The following TIMP3 variants were observed in gnomAD, a reference collection of about 807,000 sequenced individuals.
The protein encoded by TIMP3 is TIMP metallopeptidase inhibitor 3.
Under a neutral mutation model 30.0 loss-of-function variants are expected in TIMP3, and 11 were observed. The ratio of observed to expected loss-of-function variants is 0.37; its 90% CI spans 0.23 to 0.61. TIMP3 has a LOEUF of 0.61. TIMP3 is among the 20% of genes least tolerant of loss of function. The pLI, the probability that TIMP3 is intolerant of heterozygous loss-of-function variation, is 0.70. For missense variants in TIMP3, 181 were observed against 276.8 expected (o/e 0.65, Z 2.45); for synonymous variants, 112 against 111.3 (o/e 1.01, Z -0.04).
chr22:32,802,341 C>A (rs1208810343), intron 1 of TIMP3, among the ~76,000 whole-genome samples: 1 of 152,060 alleles, frequency 6.6e-6, no homozygotes, highest in Non-Finnish European at 1.5e-5. Context: ...CTGAGGGAGC[C>A]CCTGGCCGCC....
At chr22:32,818,658 G>C (rs557674929) in intron 1 of TIMP3, among the ~76,000 whole-genome samples, 1 of 152,282 alleles carries the variant, frequency 6.6e-6, no homozygotes, top group Admixed American at 6.5e-5. Flanking sequence ...TCTCCCCTCC[G>C]GCGCTGGGCC....
chr22:32,818,351 T>G (rs993692464), intron 1 of TIMP3, among the ~76,000 whole-genome samples: 4 of 152,004 alleles, frequency 2.6e-5, no homozygotes, highest in Non-Finnish European at 5.9e-5. Flanking sequence ...GGGGGAGTCT[T>G]AGTTAGCCCA....
chr22:32,823,782 T>C (rs2047322784), intron 1 of TIMP3, among the ~76,000 whole-genome samples: 1 of 151,870 alleles, frequency 6.6e-6, no homozygotes, highest in South Asian at 2.1e-4. Context: ...CAGAATGAAC[T>C]CCCCAGCCAT....
intron 1 of TIMP3, among the ~76,000 whole-genome samples, chr22:32,808,420 G>T (rs1289882534): frequency 6.6e-6 from 1 of 152,182 alleles, no homozygotes; most frequent in Non-Finnish European, 1.5e-5. Context: ...AGGGAGGCTG[G>T]GTGGACCCCA....
chr22:32,861,633 C>T lies in TIMP3; in HGVS notation c.*2256C>T, dbSNP rs1335089962. 6.6e-6 allele frequency: 1 copy of T among 152,596 alleles called. No homozygotes were observed. Among genetic ancestry groups the T allele is most frequent in the Non-Finnish European group, 1.5e-5 (1 of 68,046 alleles). 9.5% of individuals were successfully genotyped at this position (152,596 alleles called of 1,614,324 possible). The stretch of plus-strand genomic sequence containing the variant: ...TTGGGTGAAGGCTGAGTGTGAGGCA[C>T]CTGAAGTTTCCCTGCGGAGTCGATA... On this transcript the variant is annotated 3_prime_UTR_variant, in exon 5 of 5. Coordinates refer to ENST00000266085, the MANE Select transcript of TIMP3 (RefSeq NM_000362.5).
At chr22:32,813,459 T>G (rs2046966340) in intron 1 of TIMP3, among the ~76,000 whole-genome samples, 1 of 149,184 alleles carries the variant, frequency 6.7e-6, no homozygotes, top group Non-Finnish European at 1.5e-5. Flanking sequence ...GAAATCCAAA[T>G]TTTTAATGTA....
Position 32,862,029 on chromosome 22 carries a change from A to G in TIMP3, c.*2652A>G, listed in dbSNP as rs1484436257. The G allele has an allele frequency of 6.6e-6, 1 of 152,630 alleles. No homozygotes were observed. Among genetic ancestry groups the G allele is most frequent in the African/African-American group, 2.4e-5 (1 of 41,454 alleles). 9.5% of individuals were successfully genotyped at this position (152,630 alleles called of 1,614,324 possible). A position where few individuals can be genotyped will look rare whatever the true frequency, so the allele number is the denominator to read the frequency against. On this transcript the variant is annotated 3_prime_UTR_variant, in exon 5 of 5. Transcript: ENST00000266085. Reference sequence around the variant, plus strand: ...GCTAGACTGGTGAATTGGGGGAAATAGAAGGAACTAGTAACTGAGACTCCT... The same window carrying G: ...GCTAGACTGGTGAATTGGGGGAAATGGAAGGAACTAGTAACTGAGACTCCT...
intron 1 of TIMP3, among the ~76,000 whole-genome samples, chr22:32,807,043 T>TTAATATATATATAATATAATA (rs1465961658): frequency 9.2e-5 from 14 of 151,406 alleles, no homozygotes; most frequent in African/African-American, 3.4e-4. Flanking sequence ...ATCTTTCTAC[T>TTAATATATATATAATATAATA]TAATATATAT....
chr22:32,847,058 A>T (rs995416171), intron 1 of TIMP3, among the ~76,000 whole-genome samples: 2 of 152,108 alleles, frequency 1.3e-5, no homozygotes, highest in African/African-American at 4.8e-5. Flanking sequence ...ATTTAAAGGA[A>T]TCCCTTTTGC....
At chr22:32,821,803 G>A (rs1472382662) in intron 1 of TIMP3, among the ~76,000 whole-genome samples, 1 of 152,182 alleles carries the variant, frequency 6.6e-6, no homozygotes, top group African/African-American at 2.4e-5. Flanking sequence ...GCAAGACAAA[G>A]AGGGCCTCAT....
chr22:32,851,645 G>A (rs2048221504), intron 2 of TIMP3, among the ~76,000 whole-genome samples: 1 of 152,136 alleles, frequency 6.6e-6, no homozygotes, highest in Non-Finnish European at 1.5e-5. Flanking sequence ...AAGGGGAAAT[G>A]ACTTACTCAG....
chr22:32,802,263 A>T, intron 1 of TIMP3, 141 bp downstream of exon 1: 2 of 1,303,872 alleles, frequency 1.5e-6, no homozygotes, highest in African/African-American at 3.0e-5. Flanking sequence ...GAGAAACTCG[A>T]TGTCCTTGGG....
At chr22:32,825,280 G>T (rs529772590) in intron 1 of TIMP3, among the ~76,000 whole-genome samples, 33 of 152,298 alleles carry the variant, frequency 2.2e-4, no homozygotes, top group Non-Finnish European at 3.7e-4. Context: ...TGCTGACTTG[G>T]ATTCAGTTAC....
intron 1 of TIMP3, among the ~76,000 whole-genome samples, chr22:32,831,608 C>A (rs1364041759): frequency 6.6e-6 from 1 of 152,190 alleles, no homozygotes. Flanking sequence ...AAGGCAGAAG[C>A]CCTTATCTTC....
At chr22:32,853,877 G>A (rs1358437374) in intron 2 of TIMP3, among the ~76,000 whole-genome samples, 2 of 152,204 alleles carry the variant, frequency 1.3e-5, no homozygotes, top group Admixed American at 6.5e-5. Context: ...AAGAGGTTAA[G>A]TAACTTTCCA....
intron 1 of TIMP3, among the ~76,000 whole-genome samples, chr22:32,844,581 C>G (rs560840404): frequency 3.3e-5 from 5 of 152,256 alleles, no homozygotes; most frequent in Non-Finnish European, 7.4e-5. Context: ...TTCAAGAGGG[C>G]CCCATATATA....
intron 1 of TIMP3, among the ~76,000 whole-genome samples, chr22:32,825,115 CTAGGGG>C (rs1324571928): frequency 2.0e-5 from 3 of 151,802 alleles, no homozygotes; most frequent in Non-Finnish European, 2.9e-5. Context: ...CAGCTGGCCT[CTAGGGG>C]TAGGGACAGG....
intron 1 of TIMP3, among the ~76,000 whole-genome samples, chr22:32,834,098 A>C (rs1020814397): frequency 6.6e-6 from 1 of 151,836 alleles, no homozygotes; most frequent in Non-Finnish European, 1.5e-5. Context: ...CTGTTATTCC[A>C]GCCAGGAACA....
At chr22:32,804,222 G>A (rs1162534750) in intron 1 of TIMP3, among the ~76,000 whole-genome samples, 1 of 152,186 alleles carries the variant, frequency 6.6e-6, no homozygotes, top group Non-Finnish European at 1.5e-5. Context: ...TTGGTGAGCT[G>A]CACTAGTGGC....
Sources: allele counts gnomAD v4.1 joint callset (sites outside exome capture counted in the v4.1 genomes callset), GRCh38; gene constraint gnomAD v4.1.1; transcripts MANE v1.5; gene names NCBI Gene and HGNC (gene_info 2026-07-23, HGNC 2026-07-21).